The following ZNF680 variants were observed in gnomAD, a reference collection of about 807,000 sequenced individuals.
ZNF680 encodes hypothetical protein FLJ90430.
In ZNF680, 6 loss-of-function variants were observed where a neutral mutation model predicts 12.1. The observed-to-expected ratio is 0.49, with a 90% CI of 0.27 to 0.98. The LOEUF (loss-of-function observed/expected upper bound fraction) is 0.98. Ranked by LOEUF, ZNF680 falls within the 50% of genes least tolerant of loss-of-function variation. The pLI, the probability that ZNF680 is intolerant of heterozygous loss-of-function variation, is 0.12. For synonymous variants in ZNF680, 170 were observed against 199.3 expected (o/e 0.85, Z 1.24); for missense variants, 561 against 616.3 (o/e 0.91, Z 0.95).
At chr7:64,562,304 T>C (rs1787791744) in intron 1 of ZNF680, among the ~76,000 whole-genome samples, 1 of 152,076 alleles carries the variant, frequency 6.6e-6, no homozygotes, top group Non-Finnish European at 1.5e-5. Flanking sequence ...GAAATAAAAT[T>C]CTTGCTTAAC....
At chr7:64,500,954 G>A in the ZNF680 span, 15 of 652,338 alleles carry the variant, frequency 2.3e-5, no homozygotes, top group South Asian at 2.2e-4. Flanking sequence ...CAGCAAAATT[G>A]TGGGTTGCTC....
Position 64,521,074 on chromosome 7 carries a change from G to T in ZNF680, c.*87C>A. ...TATAAATTATCTTACCTACAAGCAAGTGTAACAATCATTGGAAGGCTTTGT... is the reference window on the plus strand; with the variant it reads ...TATAAATTATCTTACCTACAAGCAATTGTAACAATCATTGGAAGGCTTTGT... On this transcript the variant is annotated 3_prime_UTR_variant, in exon 4 of 4. Coordinates refer to ENST00000309683, the MANE Select transcript of ZNF680 (RefSeq NM_178558.5). 7.4e-7 allele frequency: 1 copy of T among 1,359,116 alleles called. No homozygotes were observed. The highest frequency in any genetic ancestry group is 1.0e-6 in the Non-Finnish European group (1 of 995,684). 84.2% of individuals were successfully genotyped at this position (1,359,116 alleles called of 1,614,324 possible). A position where few individuals can be genotyped will look rare whatever the true frequency, so the allele number is the denominator to read the frequency against.
intron 1 of ZNF680, among the ~76,000 whole-genome samples, chr7:64,556,922 T>A (rs1415015761): frequency 2.0e-5 from 3 of 152,368 alleles, no homozygotes; most frequent in East Asian, 3.9e-4. Context: ...GACAAAGGTC[T>A]ATTATTCAAA....
intron 3 of ZNF680, among the ~76,000 whole-genome samples, chr7:64,532,508 C>A (rs1036175181): frequency 6.6e-6 from 1 of 151,732 alleles, no homozygotes; most frequent in African/African-American, 2.4e-5. Context: ...AGACCAAAAG[C>A]AAGTAGCTTT....
At chr7:64,555,827 A>G (rs915665680) in intron 1 of ZNF680, among the ~76,000 whole-genome samples, 2 of 151,692 alleles carry the variant, frequency 1.3e-5, no homozygotes, top group Non-Finnish European at 2.9e-5. Context: ...AATGACTACC[A>G]CTGACCCCAC....
the ZNF680 span, among the ~76,000 whole-genome samples, chr7:64,510,491 A>T: frequency 2.1e-3 from 321 of 152,274 alleles, 3 homozygotes; most frequent in African/African-American, 7.4e-3. Flanking sequence ...GTTTCCAAAA[A>T]TCTAATTTTG....
Position 64,521,761 on chromosome 7 carries a change from A to G in ZNF680, c.993T>C (p.Phe331=). The G allele has an allele frequency of 1.2e-6, 2 of 1,612,990 alleles. No individual in the cohort carries two copies. Among genetic ancestry groups the G allele is most frequent in the South Asian group, 1.1e-5 (1 of 91,054 alleles). Reference sequence around the variant, plus strand: ...GTTTAGTAAGGTTTGAAAACTGGTTAAAGTCTTTGCCACATTCTTCACATT... The same window carrying G: ...GTTTAGTAAGGTTTGAAAACTGGTTGAAGTCTTTGCCACATTCTTCACATT... The part of the protein sequence containing the change: ...PFKCEECGKD[F]NQFSNLTKHK... The change falls in exon 4 of 4, where the codon TTT becomes TTC. Residue 331 remains phenylalanine (F), a synonymous_variant. Coordinates refer to ENST00000309683, the MANE Select transcript of ZNF680 (RefSeq NM_178558.5).
At chr7:64,510,916 A>T in the ZNF680 span, among the ~76,000 whole-genome samples, 7 of 79,774 alleles carry the variant, frequency 8.8e-5, 2 homozygotes, top group Non-Finnish European at 1.7e-4. Flanking sequence ...TCTCAAAAAA[A>T]AAAAATAAAA....
chr7:64,513,914 G>C, the ZNF680 span, among the ~76,000 whole-genome samples: 1 of 152,120 alleles, frequency 6.6e-6, no homozygotes, highest in Admixed American at 6.5e-5. Flanking sequence ...AAAGTGCTGG[G>C]ATTACAGGCG....
chr7:64,544,270 G>T (rs769210726), intron 2 of ZNF680, 36 bp downstream of exon 2: 2 of 1,585,024 alleles, frequency 1.3e-6, no homozygotes, highest in East Asian at 4.6e-5. Context: ...AAACCTTTAG[G>T]GCATATTAGG....
rs917202907 is a variant in ZNF680, at chr7:64,521,074, G to A, written c.*87C>T. On this transcript the variant is annotated 3_prime_UTR_variant, in exon 4 of 4. Transcript: ENST00000309683. Reference sequence around the variant, plus strand: ...TATAAATTATCTTACCTACAAGCAAGTGTAACAATCATTGGAAGGCTTTGT... The same window carrying A: ...TATAAATTATCTTACCTACAAGCAAATGTAACAATCATTGGAAGGCTTTGT... 2.2e-6 allele frequency: 3 copies of A among 1,359,004 alleles called. No homozygotes were observed. The highest frequency in any genetic ancestry group is 1.5e-5 in the African/African-American group (1 of 68,286). 84.2% of individuals were successfully genotyped at this position (1,359,004 alleles called of 1,614,324 possible).
chr7:64,500,425 A>G, the ZNF680 span, among the ~76,000 whole-genome samples: 1 of 152,226 alleles, frequency 6.6e-6, no homozygotes, highest in Non-Finnish European at 1.5e-5. Flanking sequence ...AAAATGTGAT[A>G]TATTTGCACA....
chr7:64,512,179 G>A, the ZNF680 span, among the ~76,000 whole-genome samples: 9 of 152,050 alleles, frequency 5.9e-5, no homozygotes, highest in Non-Finnish European at 2.9e-5. Flanking sequence ...GCTGGGCACA[G>A]TGGCTCATGC....
At chr7:64,544,246 A>G in intron 2 of ZNF680, 60 bp downstream of exon 2, 1 of 1,548,962 alleles carries the variant, frequency 6.5e-7, no homozygotes, top group Non-Finnish European at 8.7e-7. Context: ...AAGTTATGCA[A>G]AAAAAGAGAA....
intron 1 of ZNF680, among the ~76,000 whole-genome samples, chr7:64,551,145 T>A (rs1004847443): frequency 1.3e-5 from 2 of 152,112 alleles, no homozygotes; most frequent in African/African-American, 4.8e-5. Context: ...GGGGAGGCCA[T>A]CCGTGTATGT....
chr7:64,537,821 T>C (rs1251830197), intron 3 of ZNF680, among the ~76,000 whole-genome samples: 1 of 151,952 alleles, frequency 6.6e-6, no homozygotes, highest in Admixed American at 6.6e-5. Flanking sequence ...TCCCAGCTAT[T>C]TGGGAGGCTG....
At chr7:64,504,717 G>A in the ZNF680 span, among the ~76,000 whole-genome samples, 9 of 152,152 alleles carry the variant, frequency 5.9e-5, no homozygotes, top group Admixed American at 4.6e-4. Context: ...GGTGCCAAGA[G>A]GAAGTGCACC....
chr7:64,532,905 C>CA (rs1785961851), intron 3 of ZNF680, among the ~76,000 whole-genome samples: 1 of 152,112 alleles, frequency 6.6e-6, no homozygotes, highest in Admixed American at 6.6e-5. Context: ...ACCACATAAA[C>CA]AGAGTTAAAA....
chr7:64,515,813 A>G (rs1156397062), downstream of ZNF680, among the ~76,000 whole-genome samples: 4 of 144,876 alleles, frequency 2.8e-5, no homozygotes, highest in Non-Finnish European at 4.6e-5. Context: ...AGTGGGCTCC[A>G]GTGGGCACTC....
Sources: gnomAD v4.1 joint callset for allele counts (sites outside exome capture counted in the v4.1 genomes callset) on GRCh38, gnomAD v4.1.1 for gene constraint, MANE v1.5 for transcripts, NCBI Gene and HGNC (gene_info 2026-07-23, HGNC 2026-07-21) for gene names.